Variants in FSHR observed in about 807,000 individuals in gnomAD.
FSHR encodes follicle stimulating hormone receptor.
A neutral mutation model predicts 52.1 loss-of-function variants in FSHR; 46 were observed. The observed-to-expected ratio is 0.88, with a 90% CI of 0.70 to 1.13. The LOEUF (loss-of-function observed/expected upper bound fraction) is 1.13, where lower values mean the gene tolerates loss of function less well. FSHR is among the 50% of genes most tolerant of loss of function. FSHR has a pLI of 0.00. For synonymous variants in FSHR, 399 were observed against 309.6 expected (o/e 1.29, Z -3.03); for missense variants, 964 against 834.6 (o/e 1.16, Z -1.91).
intron 2 of FSHR, among the ~76,000 whole-genome samples, chr2:49,066,447 G>A (rs138286766): frequency 4.4e-3 from 677 of 152,156 alleles, no homozygotes; most frequent in Non-Finnish European, 6.9e-3. Flanking sequence ...AGGTGAGCAC[G>A]GAGACTGAGG....
At chr2:49,005,388 T>TA (rs377065798) in intron 4 of FSHR, among the ~76,000 whole-genome samples, 18 of 152,218 alleles carry the variant, frequency 1.2e-4, no homozygotes, top group East Asian at 1.2e-3. Flanking sequence ...AGATTACTGA[T>TA]AAAAAAAGCA....
rs369464756 is a variant in FSHR at position 49,094,221 on chromosome 2, A to C, written c.153-25931T>G. On this transcript the variant is annotated intron_variant, in intron 1 of 9. Transcript: ENST00000406846. ...ATTAATATTTTATTACTTCAATGGT[A>C]ATACAGAAACCTTGCCACCACCATT... Among the ~76,000 whole-genome samples, 10 of 152,178 alleles carry C rather than the reference A, an allele frequency of 6.6e-5. No individual in the cohort carries two copies. In the East Asian group the frequency reaches 1.7e-3, roughly 26 times the overall value.
At chr2:49,127,824 T>TTCC (rs1672089059) in intron 1 of FSHR, among the ~76,000 whole-genome samples, 6 of 55,550 alleles carry the variant, frequency 1.1e-4, no homozygotes, top group South Asian at 1.8e-3. Flanking sequence ...CTTCTTCTTC[T>TTCC]TCTTCCTCTT....
At chr2:48,984,100 C>A (rs1675378876) in intron 6 of FSHR, among the ~76,000 whole-genome samples, 1 of 152,120 alleles carries the variant, frequency 6.6e-6, no homozygotes, top group South Asian at 2.1e-4. Flanking sequence ...GAAAGCTGAC[C>A]CAGAGAAGCT....
At chr2:49,008,081 G>A (rs1290001249) in intron 4 of FSHR, among the ~76,000 whole-genome samples, 2 of 149,498 alleles carry the variant, frequency 1.3e-5, no homozygotes, top group Admixed American at 6.7e-5. Flanking sequence ...CATTGTGCAG[G>A]TTAGTTACAT....
rs1212099970 is a variant in FSHR, at chr2:49,108,717, T to C, written c.153-40427A>G. Among the ~76,000 whole-genome samples, 4 of 152,148 alleles carry C rather than the reference T, an allele frequency of 2.6e-5. No individual in the cohort carries two copies. The East Asian group carries it at 7.7e-4, about 29-fold the overall frequency. On this transcript the variant is annotated intron_variant, in intron 1 of 9. Transcript: ENST00000406846. ...ACTTGCATTAGTGCAGGGTGGCTTT[T>C]GAGAACATTTAGACTGAGCAGGAGA...
chr2:49,014,069 T>G (rs1667395714), intron 4 of FSHR, among the ~76,000 whole-genome samples: 1 of 152,146 alleles, frequency 6.6e-6, no homozygotes, highest in South Asian at 2.1e-4. Context: ...ATCCTGATCT[T>G]GGGCTTCTAG....
intron 2 of FSHR, among the ~76,000 whole-genome samples, chr2:49,041,231 G>A (rs928775687): frequency 4.6e-5 from 7 of 152,106 alleles, no homozygotes; most frequent in Non-Finnish European, 8.8e-5. Flanking sequence ...GAGGCACACC[G>A]TGAATATGTA....
intron 2 of FSHR, among the ~76,000 whole-genome samples, chr2:49,052,403 T>C (rs908761738): frequency 6.6e-6 from 1 of 152,374 alleles, no homozygotes; most frequent in African/African-American, 2.4e-5. Flanking sequence ...AATTGGATTC[T>C]GACTAAACTA....
chr2:49,056,228 G>C (rs570442029), intron 2 of FSHR, among the ~76,000 whole-genome samples: 67 of 151,660 alleles, frequency 4.4e-4, no homozygotes, highest in African/African-American at 1.6e-3. Flanking sequence ...CCAAATATAT[G>C]CTGCCTACAA....
At chr2:49,017,414 T>A in intron 4 of FSHR, 75 bp downstream of exon 4, 2 of 1,117,618 alleles carry the variant, frequency 1.8e-6, no homozygotes, top group Admixed American at 3.5e-5. Flanking sequence ...CCCCAGAGTA[T>A]CAAGTAGGCC....
At chr2:49,033,864 G>A (rs1668188163) in intron 2 of FSHR, among the ~76,000 whole-genome samples, 1 of 152,162 alleles carries the variant, frequency 6.6e-6, no homozygotes, top group South Asian at 2.1e-4. Context: ...GCAGGGACTG[G>A]AGGTATTTTT....
intron 1 of FSHR, among the ~76,000 whole-genome samples, chr2:49,102,325 T>A (rs1332395970): frequency 1.3e-5 from 2 of 152,034 alleles, no homozygotes; most frequent in Admixed American, 6.6e-5. Context: ...ATACAAAAAA[T>A]TTGATAATGC....
chr2:49,109,936 A>G lies in FSHR; in HGVS notation c.153-41646T>C, dbSNP rs140956029. ...AGAGATAAAGAGTAAGAAAAATGCCATCCAGAATGAGAGTTGGGGCTATGC... is the reference window on the plus strand; with the variant it reads ...AGAGATAAAGAGTAAGAAAAATGCCGTCCAGAATGAGAGTTGGGGCTATGC... On this transcript the variant is annotated intron_variant, in intron 1 of 9. Coordinates refer to ENST00000406846, the MANE Select transcript of FSHR (RefSeq NM_000145.4). 1.9e-3 allele frequency among the ~76,000 whole-genome samples: 285 copies of G among 152,298 alleles called. 1 individual carries two copies. The highest frequency in any genetic ancestry group is 6.4e-3 in the African/African-American group (268 of 41,572).
chr2:49,150,290 T>C (rs1469625613), intron 1 of FSHR, among the ~76,000 whole-genome samples: 1 of 152,038 alleles, frequency 6.6e-6, no homozygotes, highest in East Asian at 1.9e-4. Context: ...CTAGATACCC[T>C]GGGAGGAGAT....
chr2:48,994,166 C>A (rs1405176982), intron 4 of FSHR, among the ~76,000 whole-genome samples: 1 of 152,158 alleles, frequency 6.6e-6, no homozygotes, highest in Non-Finnish European at 1.5e-5. Flanking sequence ...GAGATGAACT[C>A]ACAAGGAATT....
intron 1 of FSHR, among the ~76,000 whole-genome samples, chr2:49,070,351 A>G (rs1413837204): frequency 3.3e-5 from 5 of 152,204 alleles, no homozygotes; most frequent in Non-Finnish European, 7.4e-5. Flanking sequence ...AAGATTATCT[A>G]CTTCTAGAAT....
At chr2:49,053,343 C>T (rs966057023) in intron 2 of FSHR, among the ~76,000 whole-genome samples, 5 of 152,070 alleles carry the variant, frequency 3.3e-5, no homozygotes, top group African/African-American at 9.7e-5. Flanking sequence ...GTTATAATAA[C>T]ACATAGATGT....
chr2:48,982,085 C>T (rs1675274778), intron 8 of FSHR, among the ~76,000 whole-genome samples: 1 of 152,144 alleles, frequency 6.6e-6, no homozygotes, highest in African/African-American at 2.4e-5. Context: ...AGCCCAGGAA[C>T]ACATTTTTAA....
Sources: gnomAD v4.1 joint callset for allele counts (sites outside exome capture counted in the v4.1 genomes callset) on GRCh38, gnomAD v4.1.1 for gene constraint, MANE v1.5 for transcripts, NCBI Gene and HGNC (gene_info 2026-07-23, HGNC 2026-07-21) for gene names.